PKP2: variants seen among roughly 807,000 people sequenced by gnomAD.
PKP2 encodes plakophilin 2.
Under a neutral mutation model 83.4 loss-of-function variants are expected in PKP2, and 73 were observed. The ratio of observed to expected loss-of-function variants is 0.88; its 90% CI spans 0.72 to 1.06. The LOEUF (loss-of-function observed/expected upper bound fraction) is 1.06. Among genes scored for constraint, PKP2 ranks in the 50% least tolerant of loss-of-function variants. PKP2 has a pLI of 0.00. For missense variants in PKP2, 966 were observed against 1,065.4 expected, an observed-to-expected ratio of 0.91 and a Z score of 1.30; for synonymous variants, 409 against 430.4, an observed-to-expected ratio of 0.95 and a Z score of 0.62.
chr12:32,810,161 T>C (rs974231412), intron 9 of PKP2, among the ~76,000 whole-genome samples: 5 of 152,180 alleles, frequency 3.3e-5, no homozygotes, highest in African/African-American at 9.7e-5. Context: ...ACAGGCACTT[T>C]TTCTGCAGTG....
chr12:32,792,706 C>A lies in PKP2; in HGVS notation c.2383G>T (p.Ala795Ser). The change falls in exon 12 of 13, where the codon GCT (alanine) becomes TCT (serine). Residue 795 changes from alanine (A) to serine (S), a missense_variant. Physicochemically the swap from Ala to Ser is moderately conservative, Grantham distance 99. Transcript: ENST00000340811. ...AGAGAATACAGAAGGACGGAAGCAG[C>A]TTTACTTGCTTTGTTGGAGGCATAG... ...DAYASNKASKAASVLLYSLWA... is the reference protein window; with the variant it reads ...DAYASNKASKSASVLLYSLWA... The A allele has an allele frequency of 2.5e-6, 4 of 1,614,052 alleles. No homozygotes were observed. Among genetic ancestry groups the A allele is most frequent in the Non-Finnish European group, 3.4e-6 (4 of 1,179,972 alleles).
chr12:32,881,723 C>T (rs549761999), intron 1 of PKP2, among the ~76,000 whole-genome samples: 12 of 152,316 alleles, frequency 7.9e-5, no homozygotes, highest in South Asian at 4.1e-4. Flanking sequence ...GGCACGATCT[C>T]GGCTCACTGC....
intron 4 of PKP2, among the ~76,000 whole-genome samples, chr12:32,866,993 C>T (rs1956855482): frequency 1.3e-5 from 2 of 152,078 alleles, no homozygotes. Flanking sequence ...TATATGATTC[C>T]ATTTATATAA....
intron 9 of PKP2, among the ~76,000 whole-genome samples, chr12:32,819,137 G>A (rs1468362478): frequency 6.6e-6 from 1 of 151,858 alleles, no homozygotes; most frequent in African/African-American, 2.4e-5. Flanking sequence ...AATTAGCTGG[G>A]CGTGGTGGCG....
chr12:32,844,736 G>A lies in PKP2; in HGVS notation c.1379-3531C>T, dbSNP rs1956631169. ...TGAGGGCTTTTACCCTGAAATTAAA[G>A]TGTTAGACTAGATGAGCAGTTTCCA... On this transcript the variant is annotated intron_variant, in intron 5 of 12. Coordinates refer to ENST00000340811, the MANE Select transcript of PKP2 (RefSeq NM_001005242.3). Among the ~76,000 whole-genome samples the A allele has an allele frequency of 3.3e-5, 5 of 152,292 alleles. No individual in the cohort carries two copies. In the South Asian group the frequency reaches 1.0e-3, roughly 32 times the overall value.
intron 6 of PKP2, among the ~76,000 whole-genome samples, chr12:32,835,099 A>T (rs1956533297): frequency 6.9e-6 from 1 of 145,602 alleles, no homozygotes; most frequent in South Asian, 2.2e-4. Flanking sequence ...TGTTGCCCGG[A>T]CTGGAGTGCA....
intron 4 of PKP2, among the ~76,000 whole-genome samples, chr12:32,866,304 T>A (rs1057251053): frequency 1.3e-5 from 2 of 151,752 alleles, no homozygotes; most frequent in Non-Finnish European, 2.9e-5. Context: ...TGTAATCCCA[T>A]CACTTTGGGA....
At chr12:32,883,967 T>C (rs1957007903) in intron 1 of PKP2, among the ~76,000 whole-genome samples, 1 of 152,158 alleles carries the variant, frequency 6.6e-6, no homozygotes, top group Non-Finnish European at 1.5e-5. Context: ...AAGCAGACCA[T>C]ATAAAATCAA....
chr12:32,795,249 T>C (rs990856265), intron 11 of PKP2, among the ~76,000 whole-genome samples: 3 of 152,014 alleles, frequency 2.0e-5, no homozygotes, highest in South Asian at 2.1e-4. Flanking sequence ...ATGACATGCA[T>C]TGGACCTTCT....
In PKP2 at chr12:32,896,576, C is replaced by T. The variant is rs201210997; in HGVS notation, c.156G>A (p.Lys52=). The T allele has an allele frequency of 4.5e-4, 720 of 1,590,896 alleles. 5 individuals are homozygous for T. The Admixed American group carries it at 7.9e-3, about 17-fold the overall frequency. ...GSSGRGGQTV[K]SLRIQEQVQQ... is the part of the protein sequence containing the mutation. Reference sequence around the variant, plus strand: ...GCACCTGCTCCTGGATCCGCAGGCTCTTGACTGTCTGGCCGCCGCGGCCGC... The same window carrying T: ...GCACCTGCTCCTGGATCCGCAGGCTTTTGACTGTCTGGCCGCCGCGGCCGC... The change falls in exon 1 of 13, where the codon AAG becomes AAA. Residue 52 remains lysine, a synonymous_variant. Transcript: ENST00000340811.
intron 6 of PKP2, among the ~76,000 whole-genome samples, chr12:32,839,923 C>T (rs1345115862): frequency 6.6e-6 from 1 of 152,130 alleles, no homozygotes; most frequent in Non-Finnish European, 1.5e-5. Context: ...TTCTGACTAC[C>T]AAAATAGTCC....
intron 1 of PKP2, among the ~76,000 whole-genome samples, chr12:32,882,018 A>C (rs1475841502): frequency 6.6e-6 from 1 of 152,188 alleles, no homozygotes; most frequent in Non-Finnish European, 1.5e-5. Context: ...GGGAATATGC[A>C]GAAAGGGGAA....
chr12:32,855,596 G>A (rs578216683), intron 4 of PKP2, among the ~76,000 whole-genome samples: 31 of 152,126 alleles, frequency 2.0e-4, no homozygotes, highest in African/African-American at 7.5e-4. Context: ...CCAACATAGT[G>A]AAACCCCGTC....
At chr12:32,821,603 G>A in intron 8 of PKP2, 74 bp from the exon 9 acceptor site, 1 of 1,432,904 alleles carries the variant, frequency 7.0e-7, no homozygotes, top group Non-Finnish European at 9.8e-7. Context: ...CAAACCAGGA[G>A]ACCAGAAATA....
In PKP2 at chr12:32,822,509, T is replaced by A; in HGVS notation, c.1797A>T (p.Lys599Asn). The change falls in exon 8 of 13, where the codon AAA becomes AAT. Residue 599 changes from lysine to asparagine, a missense_variant. By Grantham distance (94) the Lys-to-Asn change is moderately conservative. Transcript: ENST00000340811. ...QNRNIQTDNN[K>N]SIGCFGSRSR... is the part of the protein sequence containing the mutation. The stretch of plus-strand genomic sequence containing the variant: ...TTCGACTGCCAAAACATCCAATACT[T>A]TTGTTGTTGTCAGTCTGGATATTCC... 1.9e-6 allele frequency: 3 copies of A among 1,614,126 alleles called. No individual in the cohort carries two copies. The highest frequency in any genetic ancestry group is 2.5e-6 in the Non-Finnish European group (3 of 1,179,996).
intron 4 of PKP2, among the ~76,000 whole-genome samples, chr12:32,865,335 A>C (rs1956837525): frequency 7.0e-6 from 1 of 142,946 alleles, no homozygotes; most frequent in Non-Finnish European, 1.5e-5. Context: ...AGATCATGCC[A>C]CTGCACTCCA....
intron 9 of PKP2, among the ~76,000 whole-genome samples, chr12:32,805,445 T>C (rs10844361): frequency 0.2 from 29,734 of 152,162 alleles, 3,578 homozygotes; most frequent in East Asian, 0.56. Flanking sequence ...GGGTTTTACA[T>C]TTAAGTCTTT....
intron 9 of PKP2, among the ~76,000 whole-genome samples, chr12:32,819,825 C>T (rs532148258): frequency 6.6e-6 from 1 of 151,548 alleles, no homozygotes; most frequent in African/African-American, 2.4e-5. Context: ...AAAGGGTTAG[C>T]TTATATTGAA....
chr12:32,854,411 T>C (rs564333016), intron 4 of PKP2, among the ~76,000 whole-genome samples: 12 of 152,370 alleles, frequency 7.9e-5, no homozygotes, highest in African/African-American at 2.9e-4. Context: ...AAATAGATTT[T>C]AGTTACTTTC....
Sources: allele counts gnomAD v4.1 joint callset (sites outside exome capture counted in the v4.1 genomes callset), GRCh38; gene constraint gnomAD v4.1.1; transcripts MANE v1.5; gene names NCBI Gene and HGNC (gene_info 2026-07-23, HGNC 2026-07-21).